LDLRAD4: variants seen among roughly 807,000 people sequenced by gnomAD.
The protein encoded by LDLRAD4 is low density lipoprotein receptor class A domain containing 4, also known as low-density lipoprotein receptor class A domain-containing protein 4.
Under a neutral mutation model 17.0 loss-of-function variants are expected in LDLRAD4, and 5 were observed. That is an observed-to-expected ratio of 0.29 (90% CI 0.15 to 0.62). The LOEUF (loss-of-function observed/expected upper bound fraction) is 0.62. LDLRAD4 is among the 20% of genes least tolerant of loss of function. LDLRAD4 has a pLI of 0.84. For synonymous variants in LDLRAD4, 168 were observed against 171.8 expected (o/e 0.98, Z 0.17); for missense variants, 340 against 424.7 (o/e 0.80, Z 1.75).
chr18:13,445,630 TGTGA>T (rs1476634745), intron 3 of LDLRAD4, among the ~76,000 whole-genome samples: 3 of 151,776 alleles, frequency 2.0e-5, no homozygotes, highest in South Asian at 2.1e-4. Flanking sequence ...TGCGTGTGTG[TGTGA>T]GAGAGTCTGA....
intron 3 of LDLRAD4, among the ~76,000 whole-genome samples, chr18:13,482,648 T>G (rs925070676): frequency 1.3e-4 from 20 of 152,194 alleles, no homozygotes; most frequent in Admixed American, 3.9e-4. Context: ...CCCATCAGTC[T>G]GTGTGGAGAG....
At chr18:13,456,322 G>C (rs991689048) in intron 3 of LDLRAD4, among the ~76,000 whole-genome samples, 2 of 152,156 alleles carry the variant, frequency 1.3e-5, no homozygotes, top group Non-Finnish European at 2.9e-5. Context: ...TCTACACGGG[G>C]GTGCCCCTTC....
chr18:13,585,576 C>T (rs1308127698), intron 3 of LDLRAD4: 1 of 152,190 alleles, frequency 6.6e-6, no homozygotes, highest in Admixed American at 6.5e-5. Context: ...ACTTCCTCTT[C>T]CAGGAGATTA....
intron 3 of LDLRAD4, among the ~76,000 whole-genome samples, chr18:13,463,194 C>A (rs961992692): frequency 6.6e-6 from 1 of 152,192 alleles, no homozygotes; most frequent in Non-Finnish European, 1.5e-5. Context: ...CCATGTCCCC[C>A]CTGGACTCCT....
chr18:13,427,143 G>A lies in LDLRAD4; in HGVS notation c.41-11101G>A, dbSNP rs1279129152. 2.6e-5 allele frequency among the ~76,000 whole-genome samples: 4 copies of A among 152,150 alleles called. No homozygotes were observed. The East Asian group carries it at 5.8e-4, about 22-fold the overall frequency. On this transcript the variant is annotated intron_variant, in intron 2 of 5. Transcript: ENST00000359446. ...GGAGATTGCAGTGAGCCGAGATTGC[G>A]CCACTGCACTCCAGCCTGGCAACAG...
intron 1 of LDLRAD4, among the ~76,000 whole-genome samples, chr18:13,247,838 G>A (rs2043032375): frequency 6.6e-6 from 1 of 152,090 alleles, no homozygotes; most frequent in Non-Finnish European, 1.5e-5. Context: ...TAGGCCACGG[G>A]ATTTGCTGGA....
rs376244682 is a variant in LDLRAD4, at chr18:13,519,376, CT to C, written c.181+80995del. On this transcript the variant is annotated intron_variant, in intron 3 of 5. Transcript: ENST00000359446. Reference sequence around the variant, plus strand: ...GGGAGCCGGGGAGCTGGGGTCAGCTCTTTCCCTGTCTGCCTTGGGTTTCCCT... The same window carrying C: ...GGGAGCCGGGGAGCTGGGGTCAGCTCTTCCCTGTCTGCCTTGGGTTTCCCT... 2.3e-4 allele frequency among the ~76,000 whole-genome samples: 35 copies of C among 152,316 alleles called. No homozygotes were observed. In the East Asian group the frequency reaches 4.8e-3, roughly 21 times the overall value.
At chr18:13,525,322 T>G (rs1260192789) in intron 3 of LDLRAD4, among the ~76,000 whole-genome samples, 4 of 152,176 alleles carry the variant, frequency 2.6e-5, no homozygotes, top group Non-Finnish European at 5.9e-5. Flanking sequence ...GACCAGCACC[T>G]GGCACACAGT....
chr18:13,274,588 A>G (rs1475574588), upstream of LDLRAD4, among the ~76,000 whole-genome samples: 1 of 152,188 alleles, frequency 6.6e-6, no homozygotes, highest in Non-Finnish European at 1.5e-5. Context: ...ACGTTTGCTG[A>G]GTGATTGATG....
chr18:13,276,646 G>T (rs2044885647), upstream of LDLRAD4, among the ~76,000 whole-genome samples: 1 of 152,242 alleles, frequency 6.6e-6, no homozygotes, highest in South Asian at 2.1e-4. Flanking sequence ...GCTTTGCCAA[G>T]TGGCCCCTCA....
intron 1 of LDLRAD4, among the ~76,000 whole-genome samples, chr18:13,257,995 GC>G (rs879556607): frequency 6.6e-6 from 1 of 152,210 alleles, no homozygotes; most frequent in Non-Finnish European, 1.5e-5. Flanking sequence ...GGAATTGGAG[GC>G]TGTGATCATA....
At chr18:13,495,900 C>T (rs2093459283) in intron 3 of LDLRAD4, among the ~76,000 whole-genome samples, 1 of 152,220 alleles carries the variant, frequency 6.6e-6, no homozygotes. Context: ...GTCGGGTCGC[C>T]TCGGCCTCCA....
intron 2 of LDLRAD4, among the ~76,000 whole-genome samples, chr18:13,432,936 T>C (rs2090436558): frequency 6.6e-6 from 1 of 152,198 alleles, no homozygotes; most frequent in South Asian, 2.1e-4. Flanking sequence ...AAGCTGGTCT[T>C]GAACTCCTGG....
intron 1 of LDLRAD4, among the ~76,000 whole-genome samples, chr18:13,308,667 C>T (rs1419985036): frequency 6.6e-6 from 1 of 152,238 alleles, no homozygotes. Context: ...AGGGAGGCTG[C>T]GCGTGTTTCA....
In LDLRAD4 at chr18:13,345,743, C is replaced by T. The variant is rs2082645530; in HGVS notation, c.-382-41598C>T. ...TTTTTTGGTTGGTAAGCTATTATTG[C>T]CTCAATTTCAGAGCCTGTTATTGGT... On this transcript the variant is annotated intron_variant, in intron 1 of 5. Transcript: ENST00000359446. 2.0e-5 allele frequency among the ~76,000 whole-genome samples: 3 copies of T among 151,844 alleles called. No homozygotes were observed. In the South Asian group the frequency reaches 6.2e-4, roughly 32 times the overall value.
At chr18:13,532,790 G>A (rs1418222032) in intron 3 of LDLRAD4, among the ~76,000 whole-genome samples, 1 of 152,182 alleles carries the variant, frequency 6.6e-6, no homozygotes, top group Non-Finnish European at 1.5e-5. Flanking sequence ...GGTGCCCAGG[G>A]TGGAAGCCTT....
chr18:13,570,217 G>A (rs191537127), intron 3 of LDLRAD4, among the ~76,000 whole-genome samples: 5 of 152,342 alleles, frequency 3.3e-5, no homozygotes, highest in South Asian at 2.1e-4. Context: ...GACGTGACTC[G>A]TCTGGGACGG....
At chr18:13,454,685 A>G (rs1185139710) in intron 3 of LDLRAD4, among the ~76,000 whole-genome samples, 1 of 152,228 alleles carries the variant, frequency 6.6e-6, no homozygotes, top group Non-Finnish European at 1.5e-5. Context: ...CGGGATGGCC[A>G]TCCACCTGAG....
chr18:13,272,087 G>A (rs2044588890), intron 1 of LDLRAD4, among the ~76,000 whole-genome samples: 1 of 151,956 alleles, frequency 6.6e-6, no homozygotes, highest in African/African-American at 2.4e-5. Context: ...GTAGAGATGG[G>A]GTTTCACCGT....
Sources: allele counts gnomAD v4.1 joint callset (sites outside exome capture counted in the v4.1 genomes callset), GRCh38; gene constraint gnomAD v4.1.1; transcripts MANE v1.5; gene names NCBI Gene and HGNC (gene_info 2026-07-23, HGNC 2026-07-21).